The following NRG3 variants were observed in gnomAD, a reference collection of about 807,000 sequenced individuals.
NRG3 encodes the protein neuregulin 3.
NRG3 carries 31 observed loss-of-function variants against 66.9 expected under a neutral mutation model. The ratio of observed to expected loss-of-function variants is 0.46; its 90% CI spans 0.35 to 0.63. The LOEUF (loss-of-function observed/expected upper bound fraction) is 0.63. Among genes scored for constraint, NRG3 ranks in the 20% least tolerant of loss-of-function variants. The pLI is 0.00. For synonymous variants in NRG3, 393 were observed against 359.4 expected (o/e 1.09, Z -1.06); for missense variants, 910 against 878.9 (o/e 1.04, Z -0.45).
At chr10:81,964,952 G>T (rs977370386) in intron 1 of NRG3, among the ~76,000 whole-genome samples, 2 of 151,914 alleles carry the variant, frequency 1.3e-5, no homozygotes, top group African/African-American at 4.8e-5. Flanking sequence ...ACTTCATTTT[G>T]TTCCATTGAT....
At chr10:82,462,395 C>T (rs1024328963) in intron 2 of NRG3, among the ~76,000 whole-genome samples, 25 of 150,708 alleles carry the variant, frequency 1.7e-4, no homozygotes, top group African/African-American at 5.8e-4. Context: ...TACATATACA[C>T]ATATATATAT....
At chr10:82,564,430 A>G (rs920764569) in intron 2 of NRG3, among the ~76,000 whole-genome samples, 2 of 152,134 alleles carry the variant, frequency 1.3e-5, no homozygotes, top group Admixed American at 6.6e-5. Flanking sequence ...TATTCATAAG[A>G]AAAGGAAAAG....
intron 6 of NRG3, among the ~76,000 whole-genome samples, chr10:82,971,604 T>G (rs182753126): frequency 1.3e-5 from 2 of 152,034 alleles, no homozygotes; most frequent in African/African-American, 4.8e-5. Context: ...GCCCAGCTAA[T>G]TTTTGTACTT....
At chr10:82,847,363 A>G (rs1330003666) in intron 3 of NRG3, among the ~76,000 whole-genome samples, 1 of 152,202 alleles carries the variant, frequency 6.6e-6, no homozygotes, top group Non-Finnish European at 1.5e-5. Flanking sequence ...TGGCGAGTAG[A>G]TATCAAGTAG....
At chr10:82,828,829 C>T (rs963763231) in intron 3 of NRG3, among the ~76,000 whole-genome samples, 7 of 152,304 alleles carry the variant, frequency 4.6e-5, no homozygotes, top group African/African-American at 1.4e-4. Flanking sequence ...ACATAACCAG[C>T]TTCTTCCGCC....
chr10:81,979,794 G>T (rs1281433004), intron 1 of NRG3, among the ~76,000 whole-genome samples: 1 of 152,088 alleles, frequency 6.6e-6, no homozygotes, highest in Non-Finnish European at 1.5e-5. Context: ...CGCTCTAATG[G>T]GTTTTACCAG....
rs571675177 is a variant in NRG3 at position 82,720,810 on chromosome 10, C to CATATACAT, written c.954-17762_954-17761insCATATATA. 1.2e-3 allele frequency among the ~76,000 whole-genome samples: 141 copies of CATATACAT among 114,726 alleles called. 1 individual carries two copies. Among genetic ancestry groups the CATATACAT allele is most frequent in the African/African-American group, 5.4e-3 (123 of 22,850 alleles). 75.3% of individuals were successfully genotyped at this position (114,726 alleles called of 152,430 possible). On this transcript the variant is annotated intron_variant, in intron 2 of 8. Coordinates refer to ENST00000372141, the MANE Select transcript of NRG3 (RefSeq NM_001010848.4). ...AACACATATATAGGAGTATTTTATA[C>CATATACAT]ATATATATATATATATATATATATA...
At chr10:82,813,524 T>C (rs1192447002) in intron 3 of NRG3, among the ~76,000 whole-genome samples, 1 of 152,328 alleles carries the variant, frequency 6.6e-6, no homozygotes, top group East Asian at 1.9e-4. Context: ...TGTACCTTTT[T>C]AAATAAGTCT....
chr10:82,983,061 C>T (rs902847068), intron 8 of NRG3, among the ~76,000 whole-genome samples: 2 of 152,104 alleles, frequency 1.3e-5, no homozygotes, highest in African/African-American at 4.8e-5. Context: ...GCACCTTTTT[C>T]CAACTGTTTA....
chr10:82,672,832 T>A (rs1591111836), intron 2 of NRG3, among the ~76,000 whole-genome samples: 1 of 152,110 alleles, frequency 6.6e-6, no homozygotes, highest in East Asian at 1.9e-4. Flanking sequence ...TTACTGCAAC[T>A]TTCGCCTCCC....
At chr10:82,474,003 T>C (rs1047041710) in intron 2 of NRG3, among the ~76,000 whole-genome samples, 6 of 151,846 alleles carry the variant, frequency 4.0e-5, no homozygotes, top group Non-Finnish European at 8.8e-5. Context: ...TATGAAGAAT[T>C]GGGGGAAAAA....
intron 1 of NRG3, among the ~76,000 whole-genome samples, chr10:82,321,678 A>C (rs2081587342): frequency 5.9e-5 from 9 of 152,234 alleles, no homozygotes; most frequent in Admixed American, 5.9e-4. Flanking sequence ...CCTTAAAATA[A>C]AGATATGATT....
rs145729944 is a variant in NRG3, at chr10:82,201,347, G to T, written c.824-157392G>T. Among the ~76,000 whole-genome samples, 551 of 152,190 alleles carry T rather than the reference G, an allele frequency of 3.6e-3. 4 individuals are homozygous for T. The highest frequency in any genetic ancestry group is 0.013 in the African/African-American group (526 of 41,540). On this transcript the variant is annotated intron_variant, in intron 1 of 8. Transcript: ENST00000372141. Reference sequence around the variant, plus strand: ...GCACTTTAGCCAACAGTTCTTTGGTGTTCTAATACTGCTTGAGAATGGTTT... The same window carrying T: ...GCACTTTAGCCAACAGTTCTTTGGTTTTCTAATACTGCTTGAGAATGGTTT...
intron 1 of NRG3, among the ~76,000 whole-genome samples, chr10:82,131,568 T>C (rs2068821525): frequency 1.3e-5 from 2 of 152,148 alleles, no homozygotes; most frequent in African/African-American, 4.8e-5. Context: ...TTTCTATTTC[T>C]GTGAAGAATG....
intron 6 of NRG3, among the ~76,000 whole-genome samples, chr10:82,970,829 A>G (rs1851656551): frequency 6.6e-6 from 1 of 152,152 alleles, no homozygotes; most frequent in Admixed American, 6.5e-5. Flanking sequence ...TAGTTTTATA[A>G]AGGTTTTTGA....
chr10:82,786,062 G>A (rs1237148623), intron 3 of NRG3, among the ~76,000 whole-genome samples: 1 of 152,156 alleles, frequency 6.6e-6, no homozygotes, highest in African/African-American at 2.4e-5. Flanking sequence ...ACCCCGGAGA[G>A]CCTCCACTGA....
At chr10:82,220,785 G>A (rs1472401667) in intron 1 of NRG3, among the ~76,000 whole-genome samples, 1 of 152,116 alleles carries the variant, frequency 6.6e-6, no homozygotes, top group African/African-American at 2.4e-5. Context: ...AGAGGCAAGA[G>A]GCTTACAACA....
At chr10:82,515,675 G>T (rs1040418694) in intron 2 of NRG3, among the ~76,000 whole-genome samples, 1 of 152,118 alleles carries the variant, frequency 6.6e-6, no homozygotes, top group African/African-American at 2.4e-5. Flanking sequence ...CTTCCAAATT[G>T]TTGACCTGCA....
intron 3 of NRG3, among the ~76,000 whole-genome samples, chr10:82,863,412 T>C (rs1220964461): frequency 1.3e-5 from 2 of 152,194 alleles, no homozygotes. Context: ...TATTTCTCGT[T>C]CTAGATCCTT....
Sources: gnomAD v4.1 joint callset for allele counts (sites outside exome capture counted in the v4.1 genomes callset) on GRCh38, gnomAD v4.1.1 for gene constraint, MANE v1.5 for transcripts, NCBI Gene and HGNC (gene_info 2026-07-23, HGNC 2026-07-21) for gene names.